BTAF1: variants seen among roughly 807,000 people sequenced by gnomAD.
The protein encoded by BTAF1 is TATA-binding protein-associated factor 172.
Under a neutral mutation model 227.1 loss-of-function variants are expected in BTAF1, and 38 were observed. That is an observed-to-expected ratio of 0.17 (90% CI 0.13 to 0.22). The LOEUF is 0.22. Ranked by LOEUF, BTAF1 falls within the 10% of genes least tolerant of loss-of-function variation. The probability of loss-of-function intolerance (pLI) is 1.00; values close to 1 mark genes in which losing one functional copy is unlikely to be tolerated. For missense variants in BTAF1, 1,598 were observed against 2,204.0 expected (o/e 0.73, Z 5.51); for synonymous variants, 742 against 751.9 (o/e 0.99, Z 0.21).
In BTAF1 at chr10:91,984,439, GA is replaced by G. The variant is rs758040897; in HGVS notation, c.2427+37del. ...GAAATAACTTTCTTAATTAGAGATAGAACATGAAATATAGGTTAGAAATTTG... is the reference window on the plus strand; with the variant it reads ...GAAATAACTTTCTTAATTAGAGATAGACATGAAATATAGGTTAGAAATTTG... On this transcript the variant is annotated intron_variant, in intron 19 of 37. Coordinates refer to ENST00000265990, the MANE Select transcript of BTAF1 (RefSeq NM_003972.3). The G allele has an allele frequency of 2.6e-6, 4 of 1,524,952 alleles. No homozygotes were observed. In the South Asian group the frequency reaches 4.8e-5, roughly 18 times the overall value. 94.5% of individuals were successfully genotyped at this position (1,524,952 alleles called of 1,614,324 possible). A position where few individuals can be genotyped will look rare whatever the true frequency, so the allele number is the denominator to read the frequency against.
chr10:91,940,193 G>C (rs1844892976), intron 3 of BTAF1, 127 bp downstream of exon 3: 1 of 455,098 alleles, frequency 2.2e-6, no homozygotes, highest in Non-Finnish European at 3.8e-6. Flanking sequence ...GTACAGCTTT[G>C]TCAGGAAATG....
At chr10:92,028,706 A>G in intron 37 of BTAF1, 84 bp from the exon 38 acceptor site, 2 of 1,323,520 alleles carry the variant, frequency 1.5e-6, no homozygotes, top group Non-Finnish European at 2.1e-6. Context: ...TTGTATTAGA[A>G]ACAAGTGTGA....
rs1304010490 is a variant in BTAF1, at chr10:91,970,444, G to A, written c.1650+3687G>A. Among the ~76,000 whole-genome samples the A allele has an allele frequency of 2.6e-5, 4 of 152,292 alleles. No homozygotes were observed. The East Asian group carries it at 7.7e-4, about 29-fold the overall frequency. ...TGGTTGGGGAAGCCTCACAATCATG[G>A]TGGAAGGCAAGGAGGAGCAAGTCAC... On this transcript the variant is annotated intron_variant, in intron 14 of 37. Transcript: ENST00000265990.
rs769321700 is a variant in BTAF1 at position 92,026,718 on chromosome 10, A to G, written c.5202A>G (p.Leu1734=). ...ATGACTGGAATCCTATGCGAGATCT[A>G]CAAGCCATGGACCGGGCCCATCGCA... ...VEHDWNPMRD[L]QAMDRAHRIG... is the part of the protein sequence containing the mutation. Residue 1734 remains leucine, a synonymous_variant, in exon 36 of 38, where the codon CTA becomes CTG. Coordinates refer to ENST00000265990, the MANE Select transcript of BTAF1 (RefSeq NM_003972.3). 5.6e-6 allele frequency: 9 copies of G among 1,613,838 alleles called. No individual in the cohort carries two copies. The African/African-American group carries it at 6.7e-5, about 12-fold the overall frequency.
At chr10:91,971,985 A>G (rs1847338634) in intron 14 of BTAF1, among the ~76,000 whole-genome samples, 1 of 152,010 alleles carries the variant, frequency 6.6e-6, no homozygotes. Context: ...CTATCTTCTA[A>G]TTTACCTACT....
intron 6 of BTAF1, 141 bp downstream of exon 6, chr10:91,954,014 A>G: frequency 8.1e-7 from 1 of 1,231,508 alleles, no homozygotes; most frequent in Non-Finnish European, 1.1e-6. Flanking sequence ...ATTGTCAGAG[A>G]GTATTCATTG....
At position 91,994,697 on chromosome 10, in the gene BTAF1, T is replaced by G. The variant is rs1589910830; in HGVS notation, c.3309+53T>G. On this transcript the variant is annotated intron_variant, in intron 23 of 37. Coordinates refer to ENST00000265990, the MANE Select transcript of BTAF1 (RefSeq NM_003972.3). The stretch of plus-strand genomic sequence containing the variant: ...TCTTCAAATAAAACAAGTGGTCTTA[T>G]TAAAAAGTCTTAAGGTTTGAAAGGT... 2.1e-6 allele frequency: 3 copies of G among 1,450,978 alleles called. No homozygotes were observed. In the East Asian group the frequency reaches 6.8e-5, roughly 33 times the overall value. The allele number at this position is 1,450,978 out of a possible 1,614,324, so 89.9% of individuals were successfully genotyped here. A position where few individuals can be genotyped will look rare whatever the true frequency, so the allele number is the denominator to read the frequency against.
intron 9 of BTAF1, 39 bp downstream of exon 9, chr10:91,959,193 T>C: frequency 6.2e-7 from 1 of 1,612,756 alleles, no homozygotes; most frequent in South Asian, 1.1e-5. Flanking sequence ...CAAGTATTAA[T>C]AGTTGGCATC....
intron 1 of BTAF1, among the ~76,000 whole-genome samples, chr10:91,925,660 C>T (rs528592815): frequency 1.6e-4 from 24 of 152,042 alleles, no homozygotes; most frequent in East Asian, 1.4e-3. Flanking sequence ...CACAGGCACC[C>T]GCCACCACAC....
rs181346829 is a variant in BTAF1 at position 91,965,050 on chromosome 10, A to G, written c.1529+849A>G. ...ATAAAAAAAGTAGAAAATATTTCAA[A>G]TAATACTGACCTACTGGAAGTACTT... On this transcript the variant is annotated intron_variant, in intron 13 of 37. Transcript: ENST00000265990. 2.6e-5 allele frequency among the ~76,000 whole-genome samples: 4 copies of G among 152,310 alleles called. No individual in the cohort carries two copies. In the East Asian group the frequency reaches 7.7e-4, roughly 29 times the overall value.
chr10:91,947,235 A>T (rs545376203), intron 4 of BTAF1, among the ~76,000 whole-genome samples: 1 of 152,140 alleles, frequency 6.6e-6, no homozygotes, highest in African/African-American at 2.4e-5. Flanking sequence ...ATGAAGTCCA[A>T]TTTTTTTGTA....
At chr10:91,964,688 A>G (rs1167066409) in intron 13 of BTAF1, among the ~76,000 whole-genome samples, 1 of 152,168 alleles carries the variant, frequency 6.6e-6, no homozygotes, top group East Asian at 1.9e-4. Flanking sequence ...AATGTAATAT[A>G]ATGTCCAAAG....
Position 92,008,294 on chromosome 10 carries a change from T to G in BTAF1, c.3813+19T>G. 1 of 1,540,212 alleles carries G rather than the reference T, an allele frequency of 6.5e-7. No homozygotes were observed. Among genetic ancestry groups the G allele is most frequent in the Non-Finnish European group, 8.7e-7 (1 of 1,153,380 alleles). On this transcript the variant is annotated intron_variant, in intron 26 of 37. Coordinates refer to ENST00000265990, the MANE Select transcript of BTAF1 (RefSeq NM_003972.3). ...TCAGCAGGTAAGTTTTATACAATAG[T>G]GAGTTTTCCTTTCAAATGAACCTTG...
At chr10:91,924,453 T>G (rs1843691532) in intron 1 of BTAF1, among the ~76,000 whole-genome samples, 1 of 152,142 alleles carries the variant, frequency 6.6e-6, no homozygotes, top group Admixed American at 6.5e-5. Flanking sequence ...ATGGGAAAAC[T>G]TGGTAGTTAC....
At chr10:92,027,072 CGTT>C in intron 36 of BTAF1, 55 bp from the exon 37 acceptor site, 2 of 1,524,486 alleles carry the variant, frequency 1.3e-6, no homozygotes, top group South Asian at 1.3e-5. Context: ...CCCTCTGACT[CGTT>C]GGAACCTCAA....
intron 5 of BTAF1, among the ~76,000 whole-genome samples, chr10:91,952,500 T>C (rs1217944041): frequency 6.6e-6 from 1 of 152,230 alleles, no homozygotes; most frequent in Non-Finnish European, 1.5e-5. Context: ...AGTATTCTTT[T>C]AGGGGTCCAT....
chr10:91,989,464 C>A lies in BTAF1; in HGVS notation c.2738C>A (p.Pro913His). ...CTTCAGCAGTGCACAACAAGGACGCCCTGTCCCAATTCAAAAATTATTAAA... is the reference window on the plus strand; with the variant it reads ...CTTCAGCAGTGCACAACAAGGACGCACTGTCCCAATTCAAAAATTATTAAA... The part of the protein sequence containing the change: ...KLLQQCTTRT[P>H]CPNSKIIKNL... Residue 913 changes from proline to histidine, a missense_variant, in exon 20 of 38, where the codon CCC (proline) becomes CAC (histidine). Transcript: ENST00000265990. 1 of 1,614,052 alleles carries A rather than the reference C, an allele frequency of 6.2e-7. No homozygotes were observed. Among genetic ancestry groups the A allele is most frequent in the South Asian group, 1.1e-5 (1 of 91,084 alleles).
chr10:91,942,397 A>C, intron 3 of BTAF1, 25 bp from the exon 4 acceptor site: 1 of 1,607,202 alleles, frequency 6.2e-7, no homozygotes, highest in Non-Finnish European at 8.5e-7. Context: ...ATATGGTCAA[A>C]TTAATATTTT....
Position 92,024,747 on chromosome 10 carries a change from CT to C in BTAF1, c.4864-7del. ...CGCTTATGTAGTTTTTTTTTTTTTT[CT>C]TCCTAAGTTGCTGTTGGACTGCGGT... On this transcript the variant is annotated splice_polypyrimidine_tract_variant and splice_region_variant and intron_variant, in intron 34 of 37. Coordinates refer to ENST00000265990, the MANE Select transcript of BTAF1 (RefSeq NM_003972.3). The C allele has an allele frequency of 1.3e-6, 1 of 749,410 alleles. No individual in the cohort carries two copies. Among genetic ancestry groups the C allele is most frequent in the Non-Finnish European group, 1.8e-6 (1 of 548,872 alleles). 46.4% of individuals were successfully genotyped at this position (749,410 alleles called of 1,614,324 possible).
Sources: allele counts gnomAD v4.1 joint callset (sites outside exome capture counted in the v4.1 genomes callset), GRCh38; gene constraint gnomAD v4.1.1; transcripts MANE v1.5; gene names NCBI Gene and HGNC (gene_info 2026-07-23, HGNC 2026-07-21).